The following PEX1 variants were observed in gnomAD, a reference collection of about 807,000 sequenced individuals.
The protein encoded by PEX1 is peroxisomal ATPase PEX1.
In PEX1, 97 loss-of-function variants were observed where a neutral mutation model predicts 152.5. That is an observed-to-expected ratio of 0.64 (90% CI 0.54 to 0.75). PEX1 has a LOEUF of 0.75. Among genes scored for constraint, PEX1 ranks in the 30% least tolerant of loss-of-function variants. PEX1 has a pLI of 0.00. For synonymous variants in PEX1, 485 were observed against 531.6 expected (o/e 0.91, Z 1.21); for missense variants, 1,357 against 1,516.3 (o/e 0.89, Z 1.74).
chr7:92,511,299 AT>A (rs999586071), intron 7 of PEX1, among the ~76,000 whole-genome samples: 1 of 151,808 alleles, frequency 6.6e-6, no homozygotes, highest in Non-Finnish European at 1.5e-5. Context: ...TAATTTTTGT[AT>A]TTTTTTGTAT....
At chr7:92,504,707 T>G (rs371045458) in intron 12 of PEX1, 25 bp downstream of exon 12, 2 of 1,610,670 alleles carry the variant, frequency 1.2e-6, no homozygotes, top group East Asian at 2.2e-5. Flanking sequence ...GAACAAGACC[T>G]TAAGCCAGTG....
At chr7:92,506,867 T>A in intron 10 of PEX1, 127 bp downstream of exon 10, 1 of 873,328 alleles carries the variant, frequency 1.1e-6, no homozygotes, top group Non-Finnish European at 1.9e-6. Context: ...GCTTTCCATA[T>A]GTCGTATAAA....
rs374722321 is a variant in PEX1 at position 92,524,136 on chromosome 7, C to T, written c.130-1891G>A. ...AGGATCTCACTGTGTTGCCCAGGCTCGAGTACAGTGGCAAAATCACGGCTC... is the reference window on the plus strand; with the variant it reads ...AGGATCTCACTGTGTTGCCCAGGCTTGAGTACAGTGGCAAAATCACGGCTC... On this transcript the variant is annotated intron_variant, in intron 1 of 23. Transcript: ENST00000248633. 7.9e-4 allele frequency among the ~76,000 whole-genome samples: 120 copies of T among 151,988 alleles called. 2 individuals are homozygous for T. The highest frequency in any genetic ancestry group is 2.8e-3 in the African/African-American group (115 of 41,462).
At position 92,491,456 on chromosome 7, in the gene PEX1, AC is replaced by A; in HGVS notation, c.3253del (p.Val1085SerfsTer20). On this transcript the variant is annotated frameshift_variant, in exon 21 of 24. Coordinates refer to ENST00000248633, the MANE Select transcript of PEX1 (RefSeq NM_000466.3). LOFTEE classifies it high-confidence loss of function. ...SDSDLSLSSMVFLNHSSGSDD... is the reference protein window; with the variant it reads ...SDSDLSLSSMXFLNHSSGSDD... ...AGAGCCACTGCTATGGTTAAGAAAG[AC>A]CATTGAAGACAGACTTAGGTCACTA... is the stretch of plus-strand genomic sequence containing the variant. The A allele has an allele frequency of 6.2e-7, 1 of 1,613,664 alleles. No individual in the cohort carries two copies. Among genetic ancestry groups the A allele is most frequent in the Non-Finnish European group, 8.5e-7 (1 of 1,179,620 alleles).
Position 92,513,954 on chromosome 7 carries a change from A to G in PEX1, c.1253T>C (p.Leu418Pro). Residue 418 changes from leucine to proline, a missense_variant, in exon 6 of 24, where the codon CTG (leucine) becomes CCG (proline). Leu to Pro is a moderately conservative substitution (Grantham distance 98). Coordinates refer to ENST00000248633, the MANE Select transcript of PEX1 (RefSeq NM_000466.3). ...HLGKVWIPDD[L>P]RKRLNIEMHA... is the part of the protein sequence containing the mutation. ...CATTTCTATATTTAGTCTCTTCCTCAGGTCATCTGGAATCTGAAATTTAAA... is the reference window on the plus strand; with the variant it reads ...CATTTCTATATTTAGTCTCTTCCTCGGGTCATCTGGAATCTGAAATTTAAA... 6.4e-7 allele frequency: 1 copy of G among 1,573,778 alleles called. No individual in the cohort carries two copies. The highest frequency in any genetic ancestry group is 8.7e-7 in the Non-Finnish European group (1 of 1,146,840).
chr7:92,491,083 C>A (rs1463880734), intron 21 of PEX1, among the ~76,000 whole-genome samples, 189 bp downstream of exon 21: 1 of 152,150 alleles, frequency 6.6e-6, no homozygotes, highest in Non-Finnish European at 1.5e-5. Flanking sequence ...TGCTCCCAGC[C>A]CTGTCTTGAA....
In PEX1 at chr7:92,518,976, C is replaced by G; in HGVS notation, c.357+19G>C. 6.5e-7 allele frequency: 1 copy of G among 1,549,142 alleles called. No individual in the cohort carries two copies. The highest frequency in any genetic ancestry group is 2.2e-5 in the East Asian group (1 of 44,542). On this transcript the variant is annotated intron_variant, in intron 3 of 23. Coordinates refer to ENST00000248633, the MANE Select transcript of PEX1 (RefSeq NM_000466.3). ...TAATTTAACCTTAAATGAGATAGTT[C>G]TTATTTGGTTTTCTTTACCAGTATC...
At position 92,519,083 on chromosome 7, in the gene PEX1, A is replaced by G. The variant is rs766795557; in HGVS notation, c.274-5T>C. Reference sequence around the variant, plus strand: ...GGAACATGGCTTGAGAAATACCTAGAAAAAATTAAAAATTTAAAACTACTT... The same window carrying G: ...GGAACATGGCTTGAGAAATACCTAGGAAAAATTAAAAATTTAAAACTACTT... On this transcript the variant is annotated splice_polypyrimidine_tract_variant and splice_region_variant and intron_variant, in intron 2 of 23. Transcript: ENST00000248633. 11 of 1,532,490 alleles carry G rather than the reference A, an allele frequency of 7.2e-6. No individual in the cohort carries two copies. The South Asian group carries it at 1.1e-4, about 16-fold the overall frequency. 94.9% of individuals were successfully genotyped at this position (1,532,490 alleles called of 1,614,324 possible).
chr7:92,507,345 CCT>C, intron 9 of PEX1: 1 of 456,902 alleles, frequency 2.2e-6, no homozygotes, highest in Non-Finnish European at 3.9e-6. Flanking sequence ...CAAAGGTGAT[CCT>C]CCTGCCTCAG....
chr7:92,511,323 G>A (rs192708968), intron 7 of PEX1, among the ~76,000 whole-genome samples: 3 of 151,994 alleles, frequency 2.0e-5, no homozygotes, highest in Non-Finnish European at 2.9e-5. Context: ...ATAGGGTTGC[G>A]CCATGTTGGC....
intron 16 of PEX1, among the ~76,000 whole-genome samples, chr7:92,498,068 GAAAAAAAAAAA>G (rs781116048): frequency 3.9e-5 from 2 of 51,030 alleles, no homozygotes; most frequent in African/African-American, 7.4e-5. Flanking sequence ...CAGTCTCAGA[GAAAAAAAAAAA>G]AAAAAAAAAA....
rs1243347367 is a variant in PEX1, at chr7:92,501,367, T to C, written c.2583+140A>G. On this transcript the variant is annotated intron_variant, in intron 15 of 23. Coordinates refer to ENST00000248633, the MANE Select transcript of PEX1 (RefSeq NM_000466.3). ...AAATTTGTTAAAGTACCTAAAATAGTGTTAAGACATTTATTTGGTAACTCA... is the reference window on the plus strand; with the variant it reads ...AAATTTGTTAAAGTACCTAAAATAGCGTTAAGACATTTATTTGGTAACTCA... The C allele has an allele frequency of 4.4e-6, 3 of 680,098 alleles. No homozygotes were observed. The South Asian group carries it at 4.9e-5, about 11-fold the overall frequency. 42.1% of individuals were successfully genotyped at this position (680,098 alleles called of 1,614,324 possible).
At chr7:92,521,660 C>G (rs55915451) in intron 2 of PEX1, among the ~76,000 whole-genome samples, 7,705 of 152,184 alleles carry the variant, frequency 0.051, 682 homozygotes, top group African/African-American at 0.18. Context: ...TGGTCTCCAA[C>G]TCCTGACCTC....
chr7:92,506,651 T>G, intron 10 of PEX1: 1 of 496,478 alleles, frequency 2.0e-6, no homozygotes, highest in Non-Finnish European at 3.6e-6. Context: ...ACACCACAAC[T>G]ACGTGGTATT....
In PEX1 at chr7:92,503,112, G is replaced by T; in HGVS notation, c.2155C>A (p.His719Asn). 6.2e-7 allele frequency: 1 copy of T among 1,613,652 alleles called. No homozygotes were observed. The highest frequency in any genetic ancestry group is 8.5e-7 in the Non-Finnish European group (1 of 1,179,624). Residue 719 changes from histidine to asparagine, a missense_variant, in exon 13 of 24, where the codon CAT becomes AAT. Transcript: ENST00000248633. ...IATSQSQQSL[H>N]PLLVSAQGVH... is the part of the protein sequence containing the mutation. ...CCTTGAGCAGAAACAAGTAAAGGAT[G>T]TAGAGATTGCTGAGACTGACTTGTG...
At chr7:92,504,220 G>C (rs1792070780) in intron 12 of PEX1, among the ~76,000 whole-genome samples, 1 of 151,684 alleles carries the variant, frequency 6.6e-6, no homozygotes, top group African/African-American at 2.4e-5. Flanking sequence ...TCTCCTTGTT[G>C]GTCACCCTGG....
chr7:92,492,781 C>G (rs1791408831), intron 20 of PEX1, among the ~76,000 whole-genome samples, 172 bp downstream of exon 20: 1 of 152,096 alleles, frequency 6.6e-6, no homozygotes, highest in Admixed American at 6.5e-5. Context: ...ATTATAAATT[C>G]TCTGCAAAAC....
chr7:92,492,845 G>GT, intron 20 of PEX1, 108 bp downstream of exon 20: 2 of 864,726 alleles, frequency 2.3e-6, no homozygotes, highest in Non-Finnish European at 4.0e-6. Context: ...TTTCTATACA[G>GT]TTTTACCAAA....
intron 10 of PEX1, chr7:92,506,694 G>T (rs562357998): frequency 2.0e-6 from 1 of 499,562 alleles, no homozygotes. Context: ...TTCAACATTT[G>T]TAAGTTACTC....
Sources: allele counts gnomAD v4.1 joint callset (sites outside exome capture counted in the v4.1 genomes callset), GRCh38; gene constraint gnomAD v4.1.1; transcripts MANE v1.5; gene names NCBI Gene and HGNC (gene_info 2026-07-23, HGNC 2026-07-21).